The following DNAJC6 variants were observed in gnomAD, a reference collection of about 807,000 sequenced individuals.
DNAJC6 encodes auxilin.
In DNAJC6, 34 loss-of-function variants were observed where a neutral mutation model predicts 110.0. The observed-to-expected ratio is 0.31, with a 90% CI of 0.24 to 0.41. The LOEUF (loss-of-function observed/expected upper bound fraction) is 0.41. Among genes scored for constraint, DNAJC6 ranks in the 10% least tolerant of loss-of-function variants. The probability of loss-of-function intolerance (pLI) is 1.00; values close to 1 mark genes in which losing one functional copy is unlikely to be tolerated. For missense variants in DNAJC6, 1,031 were observed against 1,207.8 expected, an observed-to-expected ratio of 0.85 and a Z score of 2.17; for synonymous variants, 406 against 437.2, an observed-to-expected ratio of 0.93 and a Z score of 0.89.
chr1:65,374,551 G>C (rs920848664), intron 4 of DNAJC6, among the ~76,000 whole-genome samples: 1 of 151,936 alleles, frequency 6.6e-6, no homozygotes, highest in Admixed American at 6.6e-5. Flanking sequence ...ATTGGAAATG[G>C]CATTGGTTCC....
chr1:65,368,990 G>C (rs1645679882), intron 4 of DNAJC6, among the ~76,000 whole-genome samples: 3 of 151,948 alleles, frequency 2.0e-5, no homozygotes, highest in African/African-American at 7.3e-5. Flanking sequence ...GGCTGGTCTT[G>C]AACTCCTGGC....
chr1:65,298,087 A>G, intron 1 of DNAJC6, among the ~76,000 whole-genome samples: 1 of 152,160 alleles, frequency 6.6e-6, no homozygotes, highest in East Asian at 1.9e-4. Flanking sequence ...TGAATCGAGT[A>G]ATAAAACTCT....
chr1:65,366,539 A>G (rs1041613641), intron 4 of DNAJC6, among the ~76,000 whole-genome samples: 5 of 152,182 alleles, frequency 3.3e-5, no homozygotes, highest in African/African-American at 4.8e-5. Context: ...CTGTTACACT[A>G]ATTATGCCGT....
intron 8 of DNAJC6, 124 bp from the exon 9 acceptor site, chr1:65,388,212 C>A (rs894326432): frequency 9.8e-6 from 8 of 818,640 alleles, no homozygotes; most frequent in African/African-American, 8.4e-5. Flanking sequence ...CATTTAATAT[C>A]CATAGTAAAC....
chr1:65,352,207 A>C (rs142988857), intron 1 of DNAJC6, among the ~76,000 whole-genome samples: 12 of 152,328 alleles, frequency 7.9e-5, no homozygotes, highest in Admixed American at 7.2e-4. Context: ...ATAGGGATAC[A>C]TTGCTAATAT....
rs1646146284 is a variant in DNAJC6 at position 65,413,489 on chromosome 1, A to G, written c.*464A>G. 1 of 153,124 alleles carries G rather than the reference A, an allele frequency of 6.5e-6. No individual in the cohort carries two copies. Among genetic ancestry groups the G allele is most frequent in the Non-Finnish European group, 1.5e-5 (1 of 68,730 alleles). 9.5% of individuals were successfully genotyped at this position (153,124 alleles called of 1,614,324 possible). ...GTGGCTTTATGCAGACTCCAAGAAC[A>G]AAACCACCAGGTATTTTTTTTTAAG... is the stretch of plus-strand genomic sequence containing the variant. On this transcript the variant is annotated 3_prime_UTR_variant, in exon 19 of 19. Transcript: ENST00000371069.
chr1:65,378,605 G>GAAC (rs1645789605), intron 4 of DNAJC6, among the ~76,000 whole-genome samples: 3 of 152,192 alleles, frequency 2.0e-5, no homozygotes, highest in Admixed American at 2.0e-4. Context: ...TAGTAAGTAT[G>GAAC]TAATCAACTG....
chr1:65,380,928 T>TG (rs982181196), intron 5 of DNAJC6, among the ~76,000 whole-genome samples: 1 of 138,820 alleles, frequency 7.2e-6, no homozygotes, highest in African/African-American at 3.0e-5. Context: ...TTTGTTTTTT[T>TG]TTTTTTTTTG....
Position 65,365,944 on chromosome 1 carries a change from T to A in DNAJC6, c.394+10T>A. 1 of 1,613,640 alleles carries A rather than the reference T, an allele frequency of 6.2e-7. No individual in the cohort carries two copies. The highest frequency in any genetic ancestry group is 8.5e-7 in the Non-Finnish European group (1 of 1,179,700). The stretch of plus-strand genomic sequence containing the variant: ...ACCTCCAGAATTATTGGTAAGTTTC[T>A]CATGTTTATTAACAGTCCTTTGGCT... On this transcript the variant is annotated intron_variant, in intron 3 of 18. Transcript: ENST00000371069.
At chr1:65,276,371 TC>T (rs1412697794) in intron 1 of DNAJC6, among the ~76,000 whole-genome samples, 1 of 152,208 alleles carries the variant, frequency 6.6e-6, no homozygotes, top group Non-Finnish European at 1.5e-5. Flanking sequence ...TTATTATATG[TC>T]CAGTATTGTG....
At chr1:65,309,992 T>C in intron 1 of DNAJC6, 54 bp downstream of exon 1, 1 of 1,360,912 alleles carries the variant, frequency 7.3e-7, no homozygotes, top group Non-Finnish European at 9.4e-7. Flanking sequence ...CTCCGGAGCC[T>C]CCCAGTCGCC....
At chr1:65,273,742 G>A (rs1330495438) in intron 1 of DNAJC6, among the ~76,000 whole-genome samples, 2 of 152,072 alleles carry the variant, frequency 1.3e-5, no homozygotes, top group African/African-American at 2.4e-5. Flanking sequence ...ATAAGGTAGT[G>A]TAACAACATA....
At chr1:65,280,032 C>T (rs1283007603) in intron 1 of DNAJC6, among the ~76,000 whole-genome samples, 2 of 152,022 alleles carry the variant, frequency 1.3e-5, no homozygotes, top group African/African-American at 2.4e-5. Context: ...AATAGTAATA[C>T]CTAATAAGGT....
At chr1:65,306,505 T>C (rs1202034390), upstream of DNAJC6, 1 of 152,242 alleles carries the variant, frequency 6.6e-6, no homozygotes, top group Admixed American at 6.5e-5. Context: ...ATGAGGTGTG[T>C]ATGAAGGGGA....
Position 65,380,911 on chromosome 1 carries a change from G to GTTTTTTTTTTTTTTTTTTTTTTTTTT in DNAJC6, c.666+1391_666+1392insTTTTTTTTTTTTTTTTTTTTTTTTTT, listed in dbSNP as rs1312055301. Reference sequence around the variant, plus strand: ...GGGAGTTTTTTTTTTTTTGTTTTTTGTTTTGTTTTGTTTTTTTTTTTTTTT... The same window carrying GTTTTTTTTTTTTTTTTTTTTTTTTTT: ...GGGAGTTTTTTTTTTTTTGTTTTTTGTTTTTTTTTTTTTTTTTTTTTTTTTTTTTTGTTTTGTTTTTTTTTTTTTTT... On this transcript the variant is annotated intron_variant, in intron 5 of 18. Transcript: ENST00000371069. Among the ~76,000 whole-genome samples, 38 of 114,894 alleles carry GTTTTTTTTTTTTTTTTTTTTTTTTTT rather than the reference G, an allele frequency of 3.3e-4. 6 individuals are homozygous for GTTTTTTTTTTTTTTTTTTTTTTTTTT. Among genetic ancestry groups the GTTTTTTTTTTTTTTTTTTTTTTTTTT allele is most frequent in the African/African-American group, 1.5e-3 (35 of 23,296 alleles). 75.4% of individuals were successfully genotyped at this position (114,894 alleles called of 152,430 possible). A position where few individuals can be genotyped will look rare whatever the true frequency, so the allele number is the denominator to read the frequency against.
intron 8 of DNAJC6, among the ~76,000 whole-genome samples, chr1:65,387,743 G>A (rs1036691190): frequency 1.3e-5 from 2 of 152,016 alleles, no homozygotes; most frequent in African/African-American, 2.4e-5. Context: ...GCCATTTTTT[G>A]CTATTAGGAA....
intron 1 of DNAJC6, among the ~76,000 whole-genome samples, chr1:65,286,326 G>A (rs983001631): frequency 4.6e-5 from 7 of 151,556 alleles, no homozygotes; most frequent in Admixed American, 2.6e-4. Flanking sequence ...GGCTCACTGC[G>A]ACCTCAACCA....
intron 1 of DNAJC6, among the ~76,000 whole-genome samples, chr1:65,355,406 C>T (rs537787565): frequency 3.3e-5 from 5 of 151,926 alleles, no homozygotes; most frequent in African/African-American, 4.8e-5. Flanking sequence ...TGGCCTGAAA[C>T]GAGAAAGCCT....
At chr1:65,323,686 C>T (rs1645216092) in intron 1 of DNAJC6, among the ~76,000 whole-genome samples, 1 of 151,840 alleles carries the variant, frequency 6.6e-6, no homozygotes, top group Admixed American at 6.5e-5. Flanking sequence ...ACCTTCACCT[C>T]CTGGGGTCAA....
Sources: gnomAD v4.1 joint callset for allele counts (sites outside exome capture counted in the v4.1 genomes callset) on GRCh38, gnomAD v4.1.1 for gene constraint, MANE v1.5 for transcripts, NCBI Gene and HGNC (gene_info 2026-07-23, HGNC 2026-07-21) for gene names.